The following SYTL2 variants were observed in gnomAD, a reference collection of about 807,000 sequenced individuals.
SYTL2 encodes synaptotagmin like 2, also known as synaptotagmin-like protein 2.
Under a neutral mutation model 198.7 loss-of-function variants are expected in SYTL2, and 165 were observed. The observed-to-expected ratio is 0.83, with a 90% CI of 0.73 to 0.94. SYTL2 has a LOEUF of 0.94. SYTL2 is among the 40% of genes least tolerant of loss of function. The probability of loss-of-function intolerance (pLI) is 0.00; values close to 1 mark genes in which losing one functional copy is unlikely to be tolerated. For synonymous variants in SYTL2, 966 were observed against 917.7 expected (o/e 1.05, Z -0.95); for missense variants, 2,835 against 2,582.8 (o/e 1.10, Z -2.12).
chr11:85,833,098 A>AGAAGGAAGGAAGGAAG, the SYTL2 span, among the ~76,000 whole-genome samples: 17 of 32,530 alleles, frequency 5.2e-4, no homozygotes, highest in East Asian at 2.4e-3. Flanking sequence ...AAAGAAAGAA[A>AGAAGGAAGGAAGGAAG]GAAGGAAGGA....
At chr11:85,695,420 T>A in intron 19 of SYTL2, 80 bp from the exon 20 acceptor site, 1 of 1,220,132 alleles carries the variant, frequency 8.2e-7, no homozygotes, top group Non-Finnish European at 1.1e-6. Context: ...TCCCTAATTA[T>A]AACCACCAGT....
At chr11:85,739,544 TG>T (rs2090626095) in intron 4 of SYTL2, among the ~76,000 whole-genome samples, 1 of 152,142 alleles carries the variant, frequency 6.6e-6, no homozygotes, top group African/African-American at 2.4e-5. Flanking sequence ...CCTCAAATTT[TG>T]TCTGAAAATG....
chr11:85,726,964 A>G lies in SYTL2; in HGVS notation c.2394T>C (p.Phe798=). 2 of 1,536,632 alleles carry G rather than the reference A, an allele frequency of 1.3e-6. No homozygotes were observed. The highest frequency in any genetic ancestry group is 2.4e-5 in the South Asian group (2 of 84,038). ...TAGCACCAGCTTTCTCTCCTTCCCA[A>G]AAGGATATTCTGTCACTCACTCTTT... ...KYKRVSDRIS[F]WEGEKAGAKI... The change falls in exon 8 of 20, where the codon TTT becomes TTC. Residue 798 remains phenylalanine, a synonymous_variant. Transcript: ENST00000359152.
intron 1 of SYTL2, among the ~76,000 whole-genome samples, chr11:85,787,353 C>G (rs1406197600): frequency 6.6e-6 from 1 of 152,200 alleles, no homozygotes; most frequent in Non-Finnish European, 1.5e-5. Flanking sequence ...TAGATACTTC[C>G]AGGAACTAGT....
In SYTL2 at chr11:85,726,100, T is replaced by C; in HGVS notation, c.3258A>G (p.Ser1086=). Residue 1086 remains serine, a synonymous_variant, in exon 8 of 20, where the codon TCA becomes TCG. Transcript: ENST00000359152. ...KYTYQLPGNE[S]SKENVEKNTE... is the part of the protein sequence containing the mutation. ...TATTCTTTTCCACATTTTCCTTTGA[T>C]GACTCATTTCCTGGCAACTGATAAG... The C allele has an allele frequency of 6.2e-7, 1 of 1,613,826 alleles. No homozygotes were observed. Among genetic ancestry groups the C allele is most frequent in the South Asian group, 1.1e-5 (1 of 90,912 alleles).
chr11:85,848,968 G>T, the SYTL2 span, among the ~76,000 whole-genome samples: 1 of 151,956 alleles, frequency 6.6e-6, no homozygotes, highest in Non-Finnish European at 1.5e-5. Flanking sequence ...GAGAGACAAA[G>T]AAAAAAAAGT....
intron 4 of SYTL2, among the ~76,000 whole-genome samples, chr11:85,742,645 C>G (rs1406865686): frequency 1.3e-5 from 2 of 152,122 alleles, no homozygotes; most frequent in African/African-American, 4.8e-5. Context: ...CTTTTGCATG[C>G]CACTGTTGTT....
At chr11:85,830,533 A>G in the SYTL2 span, among the ~76,000 whole-genome samples, 1 of 152,170 alleles carries the variant, frequency 6.6e-6, no homozygotes, top group Non-Finnish European at 1.5e-5. Flanking sequence ...CTGCAGCTCT[A>G]TCTCAATGGC....
In SYTL2 at chr11:85,697,283, G is replaced by A. The variant is rs372061483; in HGVS notation, c.6368+696C>T. On this transcript the variant is annotated intron_variant, in intron 18 of 19. Coordinates refer to ENST00000359152, the MANE Select transcript of SYTL2 (RefSeq NM_206927.4). ...TTGAACTCCTGGGCTCCAGTGATCC[G>A]TCCGCCTTGGCCTCCCAAAGTGCTG... is the stretch of plus-strand genomic sequence containing the variant. Among the ~76,000 whole-genome samples the A allele has an allele frequency of 3.9e-5, 6 of 152,170 alleles. No individual in the cohort carries two copies. The East Asian group carries it at 7.7e-4, about 20-fold the overall frequency.
intron 1 of SYTL2, among the ~76,000 whole-genome samples, chr11:85,810,188 G>C (rs561446525): frequency 6.6e-6 from 1 of 152,264 alleles, no homozygotes; most frequent in South Asian, 2.1e-4. Context: ...TCTCAACCCT[G>C]CGCCCAAAGC....
In SYTL2 at chr11:85,736,408, T is replaced by G. The variant is rs1217424656; in HGVS notation, c.586+93A>C. 1.1e-5 allele frequency: 7 copies of G among 666,268 alleles called. No individual in the cohort carries two copies. In the African/African-American group the frequency reaches 1.1e-4, roughly 11 times the overall value. 41.3% of individuals were successfully genotyped at this position (666,268 alleles called of 1,614,324 possible). On this transcript the variant is annotated intron_variant, in intron 6 of 19. Transcript: ENST00000359152. ...ACCATCAGGACTTTTCACTTTCTCT[T>G]GGAAGTTATTTGAGCAAAAGGAACT...
chr11:85,760,008 C>T (rs1019963215), intron 1 of SYTL2, among the ~76,000 whole-genome samples: 1 of 152,168 alleles, frequency 6.6e-6, no homozygotes, highest in Admixed American at 6.5e-5. Context: ...CATCCCTATC[C>T]TCCTAATGTT....
intron 7 of SYTL2, among the ~76,000 whole-genome samples, chr11:85,730,970 T>C (rs188173047): frequency 6.6e-6 from 1 of 152,224 alleles, no homozygotes; most frequent in Non-Finnish European, 1.5e-5. Flanking sequence ...AAATCATGAG[T>C]GAACTCCCAT....
Position 85,726,654 on chromosome 11 carries a change from G to A in SYTL2, c.2704C>T (p.Leu902=), listed in dbSNP as rs1310656588. Residue 902 remains leucine, a synonymous_variant, in exon 8 of 20, where the codon CTG becomes TTG. Transcript: ENST00000359152. ...LSAEQSDKVS[L]FQNKKNEPIK... The stretch of plus-strand genomic sequence containing the variant: ...GGCTCATTTTTCTTATTCTGAAACA[G>A]AGACACTTTATCTGATTGCTCAGCT... 7.8e-6 allele frequency: 12 copies of A among 1,536,924 alleles called. No individual in the cohort carries two copies. The South Asian group carries it at 1.1e-4, about 14-fold the overall frequency.
In SYTL2 at chr11:85,732,942, T is replaced by C. The variant is rs562208564; in HGVS notation, c.1390+997A>G. On this transcript the variant is annotated intron_variant, in intron 7 of 19. Transcript: ENST00000359152. Reference sequence around the variant, plus strand: ...ATAAAACATTATGATTACTTCATGATCATATAGGTATAAAAGTAGTTTCAG... The same window carrying C: ...ATAAAACATTATGATTACTTCATGACCATATAGGTATAAAAGTAGTTTCAG... 1.4e-4 allele frequency among the ~76,000 whole-genome samples: 22 copies of C among 152,274 alleles called. No homozygotes were observed. In the South Asian group the frequency reaches 4.6e-3, roughly 32 times the overall value.
rs753943776 is a variant in SYTL2, at chr11:85,734,293, G to A, written c.1036C>T (p.Pro346Ser). Residue 346 changes from proline to serine, a missense_variant, in exon 7 of 20, where the codon CCT becomes TCT. By Grantham distance (74) the Pro-to-Ser change is moderately conservative. Coordinates refer to ENST00000359152, the MANE Select transcript of SYTL2 (RefSeq NM_206927.4). Reference sequence around the variant, plus strand: ...ACTTCCCGACCATGGATTAGCCCAGGACTCTGTGGAAGCTCATCCTTCACT... The same window carrying A: ...ACTTCCCGACCATGGATTAGCCCAGAACTCTGTGGAAGCTCATCCTTCACT... ...SAVKDELPQS[P>S]GLIHGREVGE... 6.8e-6 allele frequency: 11 copies of A among 1,614,030 alleles called. No individual in the cohort carries two copies. The highest frequency in any genetic ancestry group is 2.7e-5 in the African/African-American group (2 of 74,928).
the SYTL2 span, among the ~76,000 whole-genome samples, chr11:85,823,524 C>T: frequency 1.6e-4 from 25 of 152,324 alleles, no homozygotes; most frequent in African/African-American, 5.5e-4. Flanking sequence ...TATATTAGTA[C>T]TTTAATCCAC....
Position 85,757,741 on chromosome 11 carries a change from CA to C in SYTL2, c.-17del. 6.2e-7 allele frequency: 1 copy of C among 1,609,802 alleles called. No homozygotes were observed. ...AGTCAATCATTTTGAAAAGTGCATGCAAAAATAATAGCAACAAATGTGGCTC... is the reference window on the plus strand; with the variant it reads ...AGTCAATCATTTTGAAAAGTGCATGCAAAATAATAGCAACAAATGTGGCTC... On this transcript the variant is annotated 5_prime_UTR_variant, in exon 2 of 20. Coordinates refer to ENST00000359152, the MANE Select transcript of SYTL2 (RefSeq NM_206927.4).
At position 85,725,667 on chromosome 11, in the gene SYTL2, T is replaced by G. The variant is rs1437101930; in HGVS notation, c.3691A>C (p.Lys1231Gln). Reference protein sequence around the residue: ...TGTSPSPLQAKLAPVITGTNS... With the variant: ...TGTSPSPLQAQLAPVITGTNS... ...GTTCCAGTGATAACAGGCGCCAACT[T>G]GGCTTGCAAGGGAGAGGGTGAAGTT... is the stretch of plus-strand genomic sequence containing the variant. The change falls in exon 8 of 20, where the codon AAG becomes CAG. Residue 1231 changes from lysine (K) to glutamine (Q), a missense_variant. By Grantham distance (53) the Lys-to-Gln change is moderately conservative. Coordinates refer to ENST00000359152, the MANE Select transcript of SYTL2 (RefSeq NM_206927.4). 1 of 1,614,122 alleles carries G rather than the reference T, an allele frequency of 6.2e-7. No individual in the cohort carries two copies. Among genetic ancestry groups the G allele is most frequent in the Non-Finnish European group, 8.5e-7 (1 of 1,180,016 alleles).
Sources: allele counts gnomAD v4.1 joint callset (sites outside exome capture counted in the v4.1 genomes callset), GRCh38; gene constraint gnomAD v4.1.1; transcripts MANE v1.5; gene names NCBI Gene and HGNC (gene_info 2026-07-23, HGNC 2026-07-21).